Variants in MCTP1 observed in about 807,000 individuals in gnomAD.
MCTP1 encodes the protein multiple C2 and transmembrane domain containing 1.
Under a neutral mutation model 120.6 loss-of-function variants are expected in MCTP1, and 69 were observed. That is an observed-to-expected ratio of 0.57 (90% CI 0.47 to 0.70). MCTP1 has a LOEUF of 0.70. MCTP1 is among the 30% of genes least tolerant of loss of function. MCTP1 has a pLI of 0.00. For missense variants in MCTP1, 1,203 were observed against 1,248.8 expected, an observed-to-expected ratio of 0.96 and a Z score of 0.55; for synonymous variants, 529 against 493.1, an observed-to-expected ratio of 1.07 and a Z score of -0.96.
chr5:95,027,381 GTT>G (rs1329378922), intron 1 of MCTP1, among the ~76,000 whole-genome samples: 2 of 152,216 alleles, frequency 1.3e-5, no homozygotes, highest in Non-Finnish European at 2.9e-5. Context: ...GTGCCAGGTT[GTT>G]ATTTAGCAGA....
intron 1 of MCTP1, among the ~76,000 whole-genome samples, chr5:95,158,164 C>A (rs1388348807): frequency 6.6e-6 from 1 of 152,206 alleles, no homozygotes; most frequent in Admixed American, 6.5e-5. Context: ...CAAACACAGA[C>A]CTGCACAATA....
At chr5:95,283,825 C>A in intron 1 of MCTP1, 31 bp downstream of exon 1, 2 of 1,259,672 alleles carry the variant, frequency 1.6e-6, no homozygotes, top group Non-Finnish European at 2.0e-6. Context: ...GTCCCGCGCA[C>A]CTTGTCTCCG....
Position 95,092,895 on chromosome 5 carries a change from T to C in MCTP1, c.721-75411A>G, listed in dbSNP as rs527522795. On this transcript the variant is annotated intron_variant, in intron 1 of 22. Transcript: ENST00000515393. ...TGGACCTCTAAGAATCTTAGGAGTA[T>C]GCTTCACAAATTCTCTCCATAAAAC... Among the ~76,000 whole-genome samples, 6 of 152,350 alleles carry C rather than the reference T, an allele frequency of 3.9e-5. No homozygotes were observed. In the East Asian group the frequency reaches 1.2e-3, roughly 29 times the overall value.
chr5:95,260,512 C>T (rs978759974), intron 1 of MCTP1, among the ~76,000 whole-genome samples: 1 of 151,862 alleles, frequency 6.6e-6, no homozygotes. Flanking sequence ...GATGAGTGGC[C>T]GACTCTGGAG....
intron 5 of MCTP1, among the ~76,000 whole-genome samples, chr5:94,936,644 C>T (rs1816269099): frequency 6.6e-6 from 1 of 151,992 alleles, no homozygotes; most frequent in South Asian, 2.1e-4. Flanking sequence ...ACAAATGGTT[C>T]TTATTTTGAG....
chr5:95,222,564 T>C (rs1753807170), intron 1 of MCTP1, among the ~76,000 whole-genome samples: 1 of 152,278 alleles, frequency 6.6e-6, no homozygotes, highest in African/African-American at 2.4e-5. Flanking sequence ...TAATTTTTCC[T>C]TCAACTTTTA....
chr5:95,239,103 C>T (rs1381370181), intron 1 of MCTP1, among the ~76,000 whole-genome samples: 3 of 152,080 alleles, frequency 2.0e-5, no homozygotes, highest in Non-Finnish European at 4.4e-5. Context: ...GTTACACAAA[C>T]GTAACATTTG....
chr5:94,805,680 A>T (rs1213817718), intron 17 of MCTP1, among the ~76,000 whole-genome samples: 1 of 151,754 alleles, frequency 6.6e-6, no homozygotes, highest in African/African-American at 2.4e-5. Flanking sequence ...ATCATATCAT[A>T]TTGCACAGAG....
intron 2 of MCTP1, among the ~76,000 whole-genome samples, chr5:94,980,483 A>G (rs1474302359): frequency 6.6e-6 from 1 of 152,126 alleles, no homozygotes; most frequent in South Asian, 2.1e-4. Flanking sequence ...GAAATATTGA[A>G]TTTCCTTTTG....
intron 1 of MCTP1, among the ~76,000 whole-genome samples, chr5:95,059,661 C>T (rs920783200): frequency 6.6e-6 from 1 of 151,988 alleles, no homozygotes; most frequent in Non-Finnish European, 1.5e-5. Context: ...CAGTTTCATA[C>T]CCTTAGTTAT....
At chr5:94,984,295 T>A (rs1228953600) in intron 2 of MCTP1, among the ~76,000 whole-genome samples, 2 of 152,104 alleles carry the variant, frequency 1.3e-5, no homozygotes, top group Admixed American at 6.6e-5. Flanking sequence ...AAGAACACAC[T>A]CCTCAGTGAA....
intron 19 of MCTP1, among the ~76,000 whole-genome samples, chr5:94,754,856 G>A (rs1042674771): frequency 1.3e-5 from 2 of 152,056 alleles, no homozygotes; most frequent in East Asian, 1.9e-4. Flanking sequence ...CCATCCATTC[G>A]GTTCTGGCTT....
chr5:94,751,753 C>G (rs1259548931), intron 19 of MCTP1, among the ~76,000 whole-genome samples: 1 of 152,062 alleles, frequency 6.6e-6, no homozygotes, highest in Non-Finnish European at 1.5e-5. Flanking sequence ...CATGAAGGAA[C>G]AGAGAAGGGG....
intron 4 of MCTP1, among the ~76,000 whole-genome samples, chr5:94,941,844 C>CA (rs5869659): frequency 0.24 from 36,510 of 151,686 alleles, 4,700 homozygotes; most frequent in East Asian, 0.52. Context: ...TGAGCAAATA[C>CA]AACCAACCTG....
chr5:95,077,023 G>A (rs574419170), intron 1 of MCTP1, among the ~76,000 whole-genome samples: 59 of 152,162 alleles, frequency 3.9e-4, no homozygotes, highest in African/African-American at 1.1e-3. Context: ...CCTAACTCAA[G>A]CCTTTAGTCA....
At chr5:95,191,773 A>C (rs1452176767) in intron 1 of MCTP1, among the ~76,000 whole-genome samples, 2 of 152,166 alleles carry the variant, frequency 1.3e-5, no homozygotes, top group Admixed American at 6.5e-5. Flanking sequence ...CTACAAGTGC[A>C]TTATTGTACT....
intron 2 of MCTP1, among the ~76,000 whole-genome samples, chr5:94,982,380 G>A (rs1829596542): frequency 6.6e-6 from 1 of 152,104 alleles, no homozygotes; most frequent in South Asian, 2.1e-4. Flanking sequence ...TTAAGGCAAT[G>A]ACACACTTAT....
At chr5:95,226,038 G>A (rs1200827171) in intron 1 of MCTP1, among the ~76,000 whole-genome samples, 1 of 152,064 alleles carries the variant, frequency 6.6e-6, no homozygotes, top group Non-Finnish European at 1.5e-5. Flanking sequence ...GGAACAAGTG[G>A]TATTTGGTTA....
At chr5:95,069,566 GA>G (rs780791373) in intron 1 of MCTP1, among the ~76,000 whole-genome samples, 10 of 151,958 alleles carry the variant, frequency 6.6e-5, no homozygotes, top group Non-Finnish European at 1.5e-4. Context: ...GTATGTGTGT[GA>G]AAATAGAAAG....
Sources: allele counts gnomAD v4.1 joint callset (sites outside exome capture counted in the v4.1 genomes callset), GRCh38; gene constraint gnomAD v4.1.1; transcripts MANE v1.5; gene names NCBI Gene and HGNC (gene_info 2026-07-23, HGNC 2026-07-21).